EBPL: variants seen among roughly 807,000 people sequenced by gnomAD.
The protein encoded by EBPL is EBP like.
A neutral mutation model predicts 19.0 loss-of-function variants in EBPL; 20 were observed. The observed-to-expected ratio is 1.05, with a 90% CI of 0.74 to 1.53. EBPL has a LOEUF of 1.53. EBPL is among the 40% of genes most tolerant of loss of function. EBPL has a pLI of 0.00. For synonymous variants in EBPL, 107 were observed against 117.0 expected, an observed-to-expected ratio of 0.91 and a Z score of 0.55; for missense variants, 219 against 261.1, an observed-to-expected ratio of 0.84 and a Z score of 1.11.
At chr13:49,666,468 TGA>T (rs1965228818) in intron 2 of EBPL, among the ~76,000 whole-genome samples, 1 of 152,110 alleles carries the variant, frequency 6.6e-6, no homozygotes, top group African/African-American at 2.4e-5. Flanking sequence ...CCCAGCATTT[TGA>T]GAGGCCGAGG....
intron 1 of EBPL, among the ~76,000 whole-genome samples, chr13:49,687,130 C>T (rs1954007319): frequency 6.6e-6 from 1 of 152,110 alleles, no homozygotes; most frequent in Non-Finnish European, 1.5e-5. Context: ...CACGAGGACC[C>T]CCGACTCATA....
Position 49,660,998 on chromosome 13 carries a change from T to C in EBPL, c.591A>G (p.Lys197=). ...SWLELKKMHQ[K]ETSSVKKFQ ...GAAACTTCTTCACTGAACTGGTTTC[T>C]TTCTGATGCATTTTCTTGAGTTCTA... Residue 197 remains lysine (K), a synonymous_variant, in exon 4 of 4, where the codon AAA becomes AAG. Coordinates refer to ENST00000242827, the MANE Select transcript of EBPL (RefSeq NM_032565.5). 6.2e-7 allele frequency: 1 copy of C among 1,613,972 alleles called. No homozygotes were observed. The highest frequency in any genetic ancestry group is 1.1e-5 in the South Asian group (1 of 91,002).
At chr13:49,683,966 G>A (rs922306609) in intron 1 of EBPL, among the ~76,000 whole-genome samples, 2 of 152,158 alleles carry the variant, frequency 1.3e-5, no homozygotes, top group African/African-American at 2.4e-5. Flanking sequence ...TAAATGAATT[G>A]AAATACATCC....
At chr13:49,686,886 C>T (rs575598872) in intron 1 of EBPL, among the ~76,000 whole-genome samples, 2 of 152,288 alleles carry the variant, frequency 1.3e-5, no homozygotes, top group Admixed American at 1.3e-4. Context: ...GCCTCAATCT[C>T]CTGGGTTCAA....
intron 1 of EBPL, among the ~76,000 whole-genome samples, chr13:49,676,267 T>G (rs1307361853): frequency 6.6e-6 from 1 of 152,160 alleles, no homozygotes; most frequent in Non-Finnish European, 1.5e-5. Flanking sequence ...CCCCCTCCCC[T>G]GCTGCCTGGT....
At chr13:49,671,195 T>A (rs531213031) in intron 1 of EBPL, among the ~76,000 whole-genome samples, 77 of 152,300 alleles carry the variant, frequency 5.1e-4, no homozygotes, top group Non-Finnish European at 9.6e-4. Flanking sequence ...TGGAGTGTGG[T>A]GGTGCAACCT....
intron 1 of EBPL, among the ~76,000 whole-genome samples, chr13:49,686,844 G>GT (rs1954004125): frequency 6.6e-6 from 1 of 152,114 alleles, no homozygotes. Context: ...CACCTAGGCT[G>GT]GAGTGCAGTG....
At chr13:49,672,738 T>G (rs1157319362) in intron 1 of EBPL, among the ~76,000 whole-genome samples, 2 of 152,110 alleles carry the variant, frequency 1.3e-5, no homozygotes, top group African/African-American at 4.8e-5. Flanking sequence ...CAAGCCACAG[T>G]GAGGTATGAC....
At chr13:49,673,610 T>A (rs1566316801) in intron 1 of EBPL, among the ~76,000 whole-genome samples, 1 of 152,084 alleles carries the variant, frequency 6.6e-6, no homozygotes, top group African/African-American at 2.4e-5. Flanking sequence ...CTAATTTTTG[T>A]ATTTTTAGTA....
At chr13:49,667,652 C>T (rs1965247408) in intron 2 of EBPL, among the ~76,000 whole-genome samples, 1 of 152,136 alleles carries the variant, frequency 6.6e-6, no homozygotes, top group Non-Finnish European at 1.5e-5. Flanking sequence ...TGAGTTTTTA[C>T]TGCGTTTTGG....
chr13:49,682,383 T>C (rs1406254186), intron 1 of EBPL, among the ~76,000 whole-genome samples: 1 of 152,236 alleles, frequency 6.6e-6, no homozygotes, highest in Non-Finnish European at 1.5e-5. Context: ...AGGCTCATCT[T>C]AATTGGACAT....
chr13:49,689,244 G>GT (rs1021046009), intron 1 of EBPL, among the ~76,000 whole-genome samples: 2 of 152,232 alleles, frequency 1.3e-5, no homozygotes, highest in South Asian at 2.1e-4. Context: ...CGTGTTACCT[G>GT]TAACAACCTG....
intron 1 of EBPL, among the ~76,000 whole-genome samples, chr13:49,679,159 C>A (rs1219887893): frequency 1.3e-5 from 2 of 152,168 alleles, no homozygotes; most frequent in Non-Finnish European, 2.9e-5. Flanking sequence ...GTTATAGTTC[C>A]TCCTGTGAAT....
intron 1 of EBPL, chr13:49,686,474 C>T (rs535197584): frequency 5.4e-6 from 7 of 1,286,810 alleles, no homozygotes; most frequent in Middle Eastern, 2.5e-4. Flanking sequence ...AGGTGCCTCA[C>T]CTTTTATTTT....
intron 2 of EBPL, among the ~76,000 whole-genome samples, chr13:49,666,394 T>C (rs898607465): frequency 6.6e-6 from 1 of 152,076 alleles, no homozygotes; most frequent in Non-Finnish European, 1.5e-5. Flanking sequence ...CCCTGGATCT[T>C]ACCAGGTATC....
At chr13:49,686,905 C>T (rs1004878859) in intron 1 of EBPL, among the ~76,000 whole-genome samples, 5 of 152,172 alleles carry the variant, frequency 3.3e-5, no homozygotes, top group Admixed American at 1.3e-4. Context: ...AAGTGATCCT[C>T]CTACTTCAGC....
intron 1 of EBPL, among the ~76,000 whole-genome samples, chr13:49,671,282 CGT>C (rs1276795749): frequency 6.6e-6 from 1 of 152,142 alleles, no homozygotes; most frequent in Non-Finnish European, 1.5e-5. Context: ...GGACCACAGG[CGT>C]GTGACACCAC....
At chr13:49,667,875 A>G (rs1175073278) in intron 2 of EBPL, among the ~76,000 whole-genome samples, 1 of 152,210 alleles carries the variant, frequency 6.6e-6, no homozygotes. Context: ...ATTGAGCCAA[A>G]TCTGGGCTGT....
intron 2 of EBPL, among the ~76,000 whole-genome samples, chr13:49,664,473 A>C (rs995516585): frequency 6.6e-5 from 10 of 152,174 alleles, no homozygotes; most frequent in African/African-American, 2.4e-4. Context: ...ACCCATTATC[A>C]GAGTGGTTTC....
Sources: allele counts gnomAD v4.1 joint callset (sites outside exome capture counted in the v4.1 genomes callset), GRCh38; gene constraint gnomAD v4.1.1; transcripts MANE v1.5; gene names NCBI Gene and HGNC (gene_info 2026-07-23, HGNC 2026-07-21).